Variants in OSTF1 observed in about 807,000 individuals in gnomAD.
The protein encoded by OSTF1 is osteoclast stimulating factor 1.
A neutral mutation model predicts 37.2 loss-of-function variants in OSTF1; 27 were observed. The ratio of observed to expected loss-of-function variants is 0.73; its 90% confidence interval spans 0.54 to 1.00. OSTF1 has a LOEUF of 1.00. Among genes scored for constraint, OSTF1 ranks in the 50% least tolerant of loss-of-function variants. The pLI is 0.00. For synonymous variants in OSTF1, 82 were observed against 89.2 expected, an observed-to-expected ratio of 0.92 and a Z score of 0.46; for missense variants, 232 against 253.8, an observed-to-expected ratio of 0.91 and a Z score of 0.58.
At chr9:75,092,447 G>C (rs1321272106) in intron 1 of OSTF1, among the ~76,000 whole-genome samples, 1 of 152,118 alleles carries the variant, frequency 6.6e-6, no homozygotes, top group Non-Finnish European at 1.5e-5. Context: ...ATTCACGAGG[G>C]TCCTGAGTCT....
chr9:75,120,330 C>T (rs183309579), intron 2 of OSTF1, among the ~76,000 whole-genome samples: 4 of 152,098 alleles, frequency 2.6e-5, no homozygotes, highest in Admixed American at 2.6e-4. Flanking sequence ...GCCCTGCTCA[C>T]GGGGAGCGCT....
At chr9:75,089,024 C>T (rs1824878068) in intron 1 of OSTF1, among the ~76,000 whole-genome samples, 1 of 152,134 alleles carries the variant, frequency 6.6e-6, no homozygotes, top group Non-Finnish European at 1.5e-5. Flanking sequence ...GGCAACGTCC[C>T]ATGGAAGTTT....
intron 7 of OSTF1, 26 bp from the exon 8 acceptor site, chr9:75,137,512 G>A (rs1229645694): frequency 2.7e-6 from 4 of 1,466,492 alleles, no homozygotes; most frequent in South Asian, 2.3e-5. Flanking sequence ...TCTTAAAAAT[G>A]GTACTTTCTC....
chr9:75,137,976 G>T (rs1431271608), intron 8 of OSTF1, among the ~76,000 whole-genome samples: 1 of 152,148 alleles, frequency 6.6e-6, no homozygotes, highest in Non-Finnish European at 1.5e-5. Flanking sequence ...AGTTGCTGAG[G>T]CCCCTGTTCT....
chr9:75,104,344 A>T (rs1825248603), intron 1 of OSTF1, among the ~76,000 whole-genome samples: 1 of 152,178 alleles, frequency 6.6e-6, no homozygotes, highest in African/African-American at 2.4e-5. Context: ...TAGGAGCTCA[A>T]GACCAGCCTG....
chr9:75,129,878 G>A (rs1346665724), intron 3 of OSTF1, among the ~76,000 whole-genome samples: 2 of 152,152 alleles, frequency 1.3e-5, no homozygotes, highest in Non-Finnish European at 2.9e-5. Context: ...GATATTTGAT[G>A]ATATTAAGGA....
chr9:75,097,205 C>G (rs922398798), intron 1 of OSTF1, among the ~76,000 whole-genome samples: 4 of 152,160 alleles, frequency 2.6e-5, no homozygotes, highest in African/African-American at 9.7e-5. Context: ...TCTTTGATCT[C>G]TCTGCATTCA....
At chr9:75,114,916 A>T (rs1026710782) in intron 1 of OSTF1, among the ~76,000 whole-genome samples, 23 of 152,218 alleles carry the variant, frequency 1.5e-4, no homozygotes, top group African/African-American at 5.1e-4. Flanking sequence ...CATTCCATAA[A>T]TAATTAATTA....
In OSTF1 at chr9:75,131,767, TAGTG is replaced by T; in HGVS notation, c.197-2_198del. 6.2e-7 allele frequency: 1 copy of T among 1,612,614 alleles called. No homozygotes were observed. Among genetic ancestry groups the T allele is most frequent in the Non-Finnish European group, 8.5e-7 (1 of 1,178,728 alleles). ...GGGTTAACACTTTTTATTTTCAATC[TAGTG>T]GCTGAGCAGGCAGAATCCATTGACA... On this transcript the variant is annotated splice_acceptor_variant and coding_sequence_variant, in exon 5 of 10. Coordinates refer to ENST00000346234, the MANE Select transcript of OSTF1 (RefSeq NM_012383.5). LOFTEE classifies it high-confidence loss of function.
At chr9:75,135,827 T>G (rs566129953) in intron 7 of OSTF1, among the ~76,000 whole-genome samples, 1 of 152,304 alleles carries the variant, frequency 6.6e-6, no homozygotes, top group African/African-American at 2.4e-5. Context: ...TAGGAAGAAT[T>G]GATTTTCTTC....
chr9:75,111,144 CT>C (rs1184796724), intron 1 of OSTF1, among the ~76,000 whole-genome samples: 8 of 152,186 alleles, frequency 5.3e-5, no homozygotes, highest in Non-Finnish European at 1.0e-4. Context: ...CGCCTAAGTG[CT>C]GTTTCAGGGC....
chr9:75,103,945 T>C (rs1233418017), intron 1 of OSTF1, among the ~76,000 whole-genome samples: 1 of 152,204 alleles, frequency 6.6e-6, no homozygotes, highest in Non-Finnish European at 1.5e-5. Context: ...ACAAGCATTA[T>C]GGGCTGGGCG....
chr9:75,140,377 T>A (rs1191794133), intron 8 of OSTF1, among the ~76,000 whole-genome samples: 1 of 152,246 alleles, frequency 6.6e-6, no homozygotes, highest in African/African-American at 2.4e-5. Context: ...GGGTAGAAGA[T>A]GGCTTATGGG....
chr9:75,132,219 C>G (rs1035939096), intron 5 of OSTF1, among the ~76,000 whole-genome samples: 1 of 152,060 alleles, frequency 6.6e-6, no homozygotes, highest in Non-Finnish European at 1.5e-5. Context: ...AGGTGAGTAA[C>G]TGGAGGGCAA....
At chr9:75,120,340 T>C (rs977378427) in intron 2 of OSTF1, among the ~76,000 whole-genome samples, 1 of 152,084 alleles carries the variant, frequency 6.6e-6, no homozygotes, top group Admixed American at 6.5e-5. Context: ...CGGGGAGCGC[T>C]GTCATTTTAT....
intron 1 of OSTF1, among the ~76,000 whole-genome samples, chr9:75,090,242 C>T (rs1824943185): frequency 6.6e-6 from 1 of 151,920 alleles, no homozygotes; most frequent in Admixed American, 6.6e-5. Context: ...TTTTAAAAAT[C>T]TCTTCATGCG....
At chr9:75,129,109 C>A (rs1413920410) in intron 3 of OSTF1, among the ~76,000 whole-genome samples, 1 of 152,126 alleles carries the variant, frequency 6.6e-6, no homozygotes, top group Admixed American at 6.5e-5. Context: ...TGGGAACGAA[C>A]TTGAAGAGAC....
chr9:75,102,826 C>A (rs1335739291), intron 1 of OSTF1, among the ~76,000 whole-genome samples: 1 of 152,210 alleles, frequency 6.6e-6, no homozygotes, highest in East Asian at 1.9e-4. Flanking sequence ...TGTCACCTCC[C>A]ACAATAGCCT....
intron 8 of OSTF1, among the ~76,000 whole-genome samples, chr9:75,139,702 C>T (rs1039770704): frequency 4.6e-5 from 7 of 152,182 alleles, no homozygotes; most frequent in African/African-American, 1.4e-4. Context: ...GGATTACAGG[C>T]GTGAGCCACC....
Sources: allele counts gnomAD v4.1 joint callset (sites outside exome capture counted in the v4.1 genomes callset), GRCh38; gene constraint gnomAD v4.1.1; transcripts MANE v1.5; gene names NCBI Gene and HGNC (gene_info 2026-07-23, HGNC 2026-07-21).